PON1: variants seen among roughly 807,000 people sequenced by gnomAD.
PON1 encodes serum paraoxonase/arylesterase 1.
In PON1, 37 loss-of-function variants were observed where a neutral mutation model predicts 39.2. That is an observed-to-expected ratio of 0.94 (90% confidence interval 0.73 to 1.24). PON1 has a LOEUF of 1.24. PON1 is among the 50% of genes most tolerant of loss of function. The probability of loss-of-function intolerance (pLI) is 0.00; values close to 1 mark genes in which losing one functional copy is unlikely to be tolerated. For missense variants in PON1, 397 were observed against 413.5 expected (o/e 0.96, Z 0.35); for synonymous variants, 148 against 152.2 (o/e 0.97, Z 0.21).
At chr7:95,318,811 G>A (rs1460278178) in intron 1 of PON1, among the ~76,000 whole-genome samples, 1 of 152,156 alleles carries the variant, frequency 6.6e-6, no homozygotes, top group Middle Eastern at 3.2e-3. Flanking sequence ...CCGCAGCCTG[G>A]ACTGGGCATC....
In PON1 at chr7:95,297,817, A is replaced by AATT. The variant is rs1203902351; in HGVS notation, c.*1124_*1126dup. On this transcript the variant is annotated 3_prime_UTR_variant, in exon 9 of 9. Transcript: ENST00000222381. Reference sequence around the variant, plus strand: ...AAAAACAAAACAAAAACAAGAAAAAAATTTGTTTCTAAAGTCACTGCCTTA... The same window carrying AATT: ...AAAAACAAAACAAAAACAAGAAAAAAATTATTTGTTTCTAAAGTCACTGCCTTA... The AATT allele has an allele frequency of 6.6e-6, 1 of 152,158 alleles. No homozygotes were observed. The highest frequency in any genetic ancestry group is 1.5e-5 in the Non-Finnish European group (1 of 68,028). 9.4% of individuals were successfully genotyped at this position (152,158 alleles called of 1,614,324 possible).
At chr7:95,313,626 G>A (rs796150491) in intron 4 of PON1, among the ~76,000 whole-genome samples, 3,758 of 149,910 alleles carry the variant, frequency 0.025, 75 homozygotes, top group Admixed American at 0.059. Flanking sequence ...ATATGTGTGT[G>A]TGTGTGTGTG....
At chr7:95,313,857 C>T (rs999945928) in intron 4 of PON1, among the ~76,000 whole-genome samples, 1 of 152,026 alleles carries the variant, frequency 6.6e-6, no homozygotes, top group Non-Finnish European at 1.5e-5. Flanking sequence ...GGCAGTGTGA[C>T]ACTGGTTTGA....
rs1807349989 is a variant in PON1, at chr7:95,298,853, A to T, written c.*91T>A. 4 of 1,487,426 alleles carry T rather than the reference A, an allele frequency of 2.7e-6. No individual in the cohort carries two copies. 92.1% of individuals were successfully genotyped at this position (1,487,426 alleles called of 1,614,324 possible). On this transcript the variant is annotated 3_prime_UTR_variant, in exon 9 of 9. Transcript: ENST00000222381. Reference sequence around the variant, plus strand: ...ATGTCCACATTTAGGGTCAGCATTCATTGTTCAGCTAAGAACACTGGGTCC... The same window carrying T: ...ATGTCCACATTTAGGGTCAGCATTCTTTGTTCAGCTAAGAACACTGGGTCC...
chr7:95,307,990 C>T, intron 6 of PON1, 21 bp downstream of exon 6: 2 of 1,598,142 alleles, frequency 1.3e-6, no homozygotes, highest in Non-Finnish European at 1.7e-6. Context: ...AAATCCACTA[C>T]ATTTCAGAGA....
Position 95,318,353 on chromosome 7 carries a change from G to GT in PON1, c.114dup (p.Leu39ThrfsTer3). On this transcript the variant is annotated frameshift_variant, in exon 2 of 9. Coordinates refer to ENST00000222381, the MANE Select transcript of PON1 (RefSeq NM_000446.7). LOFTEE classifies it high-confidence loss of function. ...CCTTTAACTAAATTACAGTTAGGAA[G>GT]TTCTACGGGTTGTACCTCTCGGAGA... 6.2e-7 allele frequency: 1 copy of GT among 1,610,324 alleles called. No individual in the cohort carries two copies. Among genetic ancestry groups the GT allele is most frequent in the Non-Finnish European group, 8.5e-7 (1 of 1,176,618 alleles).
At chr7:95,315,039 G>C (rs1807735298) in intron 4 of PON1, among the ~76,000 whole-genome samples, 2 of 152,066 alleles carry the variant, frequency 1.3e-5, no homozygotes, top group African/African-American at 2.4e-5. Context: ...ATAATGATCA[G>C]GGCTGGATAT....
chr7:95,308,098 T>C lies in PON1; in HGVS notation c.611A>G (p.Tyr204Cys). ...TTCACTTGGACTATAGTAGACAACA[T>C]ACGACCACGCTAAACCCAAATACAT... ...WEMYLGLAWS[Y>C]VVYYSPSEVR... Residue 204 changes from tyrosine (Y) to cysteine (C), a missense_variant, in exon 6 of 9, where the codon TAT becomes TGT. Physicochemically the swap from Tyr to Cys is radical, Grantham distance 194 (BLOSUM62 -2). Transcript: ENST00000222381. 6.2e-7 allele frequency: 1 copy of C among 1,614,080 alleles called. No individual in the cohort carries two copies. Among genetic ancestry groups the C allele is most frequent in the Non-Finnish European group, 8.5e-7 (1 of 1,180,002 alleles).
rs564064745 is a variant in PON1 at position 95,308,018 on chromosome 7, C to T, written c.691G>A (p.Asp231Asn). ...DFANGINISP[D>N]GKYVYIAELL... ...TTCAGAGAGTTCACATACTTGCCAT[C>T]GGGTGAAATGTTGATTCCATTAGCA... Residue 231 changes from aspartate (D) to asparagine (N), a missense_variant, in exon 6 of 9, where the codon GAT becomes AAT. Transcript: ENST00000222381. 11 of 1,613,394 alleles carry T rather than the reference C, an allele frequency of 6.8e-6. No homozygotes were observed. In the East Asian group the frequency reaches 8.9e-5, roughly 13 times the overall value.
At chr7:95,318,457 G>T (rs772937444) in intron 1 of PON1, 64 bp from the exon 2 acceptor site, 614 of 1,436,430 alleles carry the variant, frequency 4.3e-4, no homozygotes, top group Non-Finnish European at 3.5e-4. Context: ...AGTTGCAAAG[G>T]TAGGCAGTCC....
rs749119019 is a variant in PON1, at chr7:95,324,398, T to C, written c.74+4A>G. On this transcript the variant is annotated splice_donor_region_variant and intron_variant, in intron 1 of 8. Coordinates refer to ENST00000222381, the MANE Select transcript of PON1 (RefSeq NM_000446.7). ...GCTGCAGCCCTCACCACAACCCAACTTACTGGTAAGAAGACTGGTGGTTCC... is the reference window on the plus strand; with the variant it reads ...GCTGCAGCCCTCACCACAACCCAACCTACTGGTAAGAAGACTGGTGGTTCC... The C allele has an allele frequency of 6.2e-7, 1 of 1,613,908 alleles. No individual in the cohort carries two copies. Among genetic ancestry groups the C allele is most frequent in the African/African-American group, 1.3e-5 (1 of 74,908 alleles).
Position 95,298,703 on chromosome 7 carries a change from G to A in PON1, c.*241C>T, listed in dbSNP as rs533749513. On this transcript the variant is annotated 3_prime_UTR_variant, in exon 9 of 9. Transcript: ENST00000222381. ...TGACATAACTGATTTATCCATTTTA[G>A]TGAGAAGGATTTTTATGGTAAATGA... 8.7e-6 allele frequency: 5 copies of A among 573,834 alleles called. No homozygotes were observed. In the Admixed American group the frequency reaches 1.2e-4, roughly 13 times the overall value. 35.5% of individuals were successfully genotyped at this position (573,834 alleles called of 1,614,324 possible).
At position 95,315,456 on chromosome 7, in the gene PON1, G is replaced by T. The variant is rs371338407; in HGVS notation, c.236C>A (p.Pro79His). Residue 79 changes from proline (P) to histidine (H), a missense_variant, in exon 4 of 9, where the codon CCC (proline) becomes CAC (histidine). Coordinates refer to ENST00000222381, the MANE Select transcript of PON1 (RefSeq NM_000446.7). Reference sequence around the variant, plus strand: ...CAGAAGTATTTTTCCAGGACTGTTGGGGTTGAAGCTCTTTATTCCAGGATA... The same window carrying T: ...CAGAAGTATTTTTCCAGGACTGTTGTGGTTGAAGCTCTTTATTCCAGGATA... ...LKYPGIKSFN[P>H]NSPGKILLMD... 72 of 1,613,950 alleles carry T rather than the reference G, an allele frequency of 4.5e-5. No homozygotes were observed. Among genetic ancestry groups the T allele is most frequent in the Non-Finnish European group, 5.8e-5 (69 of 1,179,992 alleles).
At chr7:95,310,052 TA>T (rs1434089616) in intron 5 of PON1, among the ~76,000 whole-genome samples, 2 of 152,194 alleles carry the variant, frequency 1.3e-5, no homozygotes, top group Non-Finnish European at 1.5e-5. Context: ...GATTAAATGT[TA>T]AAACACATAA....
At chr7:95,307,335 G>A (rs1290140191) in intron 6 of PON1, among the ~76,000 whole-genome samples, 1 of 152,060 alleles carries the variant, frequency 6.6e-6, no homozygotes, top group East Asian at 1.9e-4. Context: ...TTACAGGCAT[G>A]AACCACCACA....
intron 5 of PON1, among the ~76,000 whole-genome samples, chr7:95,310,928 C>G (rs3917528): frequency 0.15 from 23,296 of 151,952 alleles, 2,289 homozygotes; most frequent in East Asian, 0.43. Context: ...GTTACATGAA[C>G]AAGGTGCCTA....
At chr7:95,302,598 A>T (rs941780025) in intron 7 of PON1, among the ~76,000 whole-genome samples, 1 of 151,894 alleles carries the variant, frequency 6.6e-6, no homozygotes, top group African/African-American at 2.4e-5. Flanking sequence ...AGACAAAATC[A>T]TTTGTACCAA....
intron 4 of PON1, among the ~76,000 whole-genome samples, chr7:95,312,641 C>G (rs769013426): frequency 1.3e-5 from 2 of 152,110 alleles, no homozygotes; most frequent in Non-Finnish European, 2.9e-5. Context: ...AATAAGAGAA[C>G]GAATAATGTG....
rs1807338586 is a variant in PON1, at chr7:95,298,494, T to C, written c.*450A>G. 1 of 268,264 alleles carries C rather than the reference T, an allele frequency of 3.7e-6. No individual in the cohort carries two copies. Among genetic ancestry groups the C allele is most frequent in the Non-Finnish European group, 7.3e-6 (1 of 137,448 alleles). The allele number at this position is 268,264 out of a possible 1,614,324, so 16.6% of individuals were successfully genotyped here. ...GGAACTTCATAATGCATATGTTTTCTGGCCTGTGAACTGGAGTCCCTGGGT... is the reference window on the plus strand; with the variant it reads ...GGAACTTCATAATGCATATGTTTTCCGGCCTGTGAACTGGAGTCCCTGGGT... On this transcript the variant is annotated 3_prime_UTR_variant, in exon 9 of 9. Coordinates refer to ENST00000222381, the MANE Select transcript of PON1 (RefSeq NM_000446.7).
Sources: allele counts gnomAD v4.1 joint callset (sites outside exome capture counted in the v4.1 genomes callset), GRCh38; gene constraint gnomAD v4.1.1; transcripts MANE v1.5; gene names NCBI Gene and HGNC (gene_info 2026-07-23, HGNC 2026-07-21).